The following PCDH15 variants were observed in gnomAD, a reference collection of about 807,000 sequenced individuals.
The protein encoded by PCDH15 is protocadherin-15.
PCDH15 carries 129 observed loss-of-function variants against 178.5 expected under a neutral mutation model. That is an observed-to-expected ratio of 0.72 (90% confidence interval 0.63 to 0.84). PCDH15 has a LOEUF of 0.84. Ranked by LOEUF, PCDH15 falls within the 40% of genes least tolerant of loss-of-function variation. The pLI is 0.00. For synonymous variants in PCDH15, 800 were observed against 732.0 expected (o/e 1.09, Z -1.50); for missense variants, 2,230 against 2,099.9 (o/e 1.06, Z -1.21).
chr10:55,555,177 A>G (rs1193186462), intron 2 of PCDH15, among the ~76,000 whole-genome samples: 1 of 152,116 alleles, frequency 6.6e-6, no homozygotes, highest in Non-Finnish European at 1.5e-5. Context: ...TACTATTTTA[A>G]GAAATCACTC....
chr10:54,101,834 G>T (rs936088331), intron 15 of PCDH15, among the ~76,000 whole-genome samples: 3 of 152,070 alleles, frequency 2.0e-5, no homozygotes, highest in African/African-American at 7.2e-5. Context: ...AATTAGCTGT[G>T]TGTGGTGTTG....
At chr10:55,143,987 AT>A (rs1406647226) in intron 2 of PCDH15, among the ~76,000 whole-genome samples, 3 of 143,466 alleles carry the variant, frequency 2.1e-5, no homozygotes, top group Non-Finnish European at 4.6e-5. Flanking sequence ...ACCTAGAGAA[AT>A]TTCAGAGTCC....
chr10:55,049,978 T>G (rs1338478340), intron 2 of PCDH15, among the ~76,000 whole-genome samples: 1 of 152,036 alleles, frequency 6.6e-6, no homozygotes, highest in Non-Finnish European at 1.5e-5. Flanking sequence ...GCCTTTTGAA[T>G]GTATATTTTG....
At chr10:53,868,110 C>T (rs779449890) in intron 26 of PCDH15, among the ~76,000 whole-genome samples, 1 of 151,670 alleles carries the variant, frequency 6.6e-6, no homozygotes, top group African/African-American at 2.4e-5. Flanking sequence ...TAGTGAAATA[C>T]TTGGAAAATA....
At chr10:54,102,714 A>T (rs559477061) in intron 15 of PCDH15, among the ~76,000 whole-genome samples, 5 of 152,160 alleles carry the variant, frequency 3.3e-5, no homozygotes, top group African/African-American at 4.8e-5. Context: ...CAGGGAGCCA[A>T]TGTGGGGGTT....
At chr10:55,069,927 T>G (rs541295284) in intron 2 of PCDH15, among the ~76,000 whole-genome samples, 2 of 152,200 alleles carry the variant, frequency 1.3e-5, no homozygotes, top group African/African-American at 4.8e-5. Flanking sequence ...CTCCACATTC[T>G]GTCCAGCACC....
At chr10:54,324,842 A>G (rs1288160318) in intron 7 of PCDH15, among the ~76,000 whole-genome samples, 1 of 152,102 alleles carries the variant, frequency 6.6e-6, no homozygotes, top group East Asian at 1.9e-4. Flanking sequence ...TGATTACAAA[A>G]GTGTTCTTAT....
intron 3 of PCDH15, among the ~76,000 whole-genome samples, chr10:54,512,621 A>C (rs1261645573): frequency 6.6e-6 from 1 of 152,160 alleles, no homozygotes; most frequent in East Asian, 1.9e-4. Context: ...GCAAACTCAC[A>C]TAACATATTG....
At chr10:55,257,859 G>C (rs1012487503) in intron 1 of PCDH15, among the ~76,000 whole-genome samples, 2 of 152,098 alleles carry the variant, frequency 1.3e-5, no homozygotes, top group South Asian at 4.2e-4. Flanking sequence ...TTCAAATTCA[G>C]GAAATACAGA....
chr10:54,953,909 T>C (rs1838409987), intron 2 of PCDH15, among the ~76,000 whole-genome samples: 1 of 151,322 alleles, frequency 6.6e-6, no homozygotes, highest in South Asian at 2.1e-4. Flanking sequence ...TAAAATACAT[T>C]TAAAAAATAT....
intron 8 of PCDH15, among the ~76,000 whole-genome samples, chr10:54,249,746 T>C (rs545213901): frequency 6.6e-6 from 1 of 152,182 alleles, no homozygotes; most frequent in Non-Finnish European, 1.5e-5. Context: ...ATTATCTATT[T>C]TTTTTCAAGT....
At chr10:55,307,387 C>A (rs1278366778) in intron 1 of PCDH15, among the ~76,000 whole-genome samples, 2 of 151,704 alleles carry the variant, frequency 1.3e-5, no homozygotes, top group African/African-American at 4.8e-5. Flanking sequence ...CCTGTAATCC[C>A]AGCTACTCGG....
At chr10:54,863,863 A>G (rs1003098435) in intron 3 of PCDH15, among the ~76,000 whole-genome samples, 1 of 152,210 alleles carries the variant, frequency 6.6e-6, no homozygotes, top group African/African-American at 2.4e-5. Context: ...CTAAGTTTCA[A>G]GTGATAATTC....
In PCDH15 at chr10:54,032,204, C is replaced by T. The variant is rs1401105332; in HGVS notation, c.2221-9007G>A. The stretch of plus-strand genomic sequence containing the variant: ...TGTCTGCTTTATCCAGTCATAAAAT[C>T]TTCCCCTTATTTCCAAAACTGATTA... On this transcript the variant is annotated intron_variant, in intron 18 of 37. Transcript: ENST00000644397. 2.6e-5 allele frequency among the ~76,000 whole-genome samples: 4 copies of T among 151,852 alleles called. No homozygotes were observed. In the Admixed American group the frequency reaches 2.6e-4, roughly 10 times the overall value.
chr10:55,159,618 T>A (rs1282342992), intron 2 of PCDH15, among the ~76,000 whole-genome samples: 4 of 148,056 alleles, frequency 2.7e-5, no homozygotes, highest in Non-Finnish European at 5.9e-5. Flanking sequence ...TAAATAAATA[T>A]ATATATATCT....
In PCDH15 at chr10:54,472,972, A is replaced by T. The variant is rs555740640; in HGVS notation, c.157+54840T>A. 1.8e-3 allele frequency among the ~76,000 whole-genome samples: 269 copies of T among 152,284 alleles called. 9 individuals carry two copies. In the South Asian group the frequency reaches 0.054, roughly 31 times the overall value. On this transcript the variant is annotated intron_variant, in intron 3 of 37. Transcript: ENST00000644397. ...TTCTTCACCATTTTTAGAGTAAAAA[A>T]TTGTTGATTTAAAAATGTGAGGAAA...
chr10:53,933,528 A>C (rs565577852), intron 25 of PCDH15, among the ~76,000 whole-genome samples: 13 of 152,296 alleles, frequency 8.5e-5, no homozygotes, highest in African/African-American at 2.9e-4. Flanking sequence ...GCTGTATAGT[A>C]TTCCATGGTG....
At chr10:55,358,139 G>A (rs926202930) in intron 2 of PCDH15, among the ~76,000 whole-genome samples, 2 of 152,058 alleles carry the variant, frequency 1.3e-5, no homozygotes, top group South Asian at 4.1e-4. Flanking sequence ...TATAAGTTAC[G>A]CATACAAGGA....
chr10:54,163,406 G>GGAGA lies in PCDH15; in HGVS notation c.1591-10117_1591-10114dup, dbSNP rs57981979. On this transcript the variant is annotated intron_variant, in intron 13 of 37. Coordinates refer to ENST00000644397, the MANE Select transcript of PCDH15 (RefSeq NM_001384140.1). ...GAAGCACCTTGTTCACATGGCAGCA[G>GGAGA]GAGAGAGAGAGAGAGCGAGAGGAGA... is the stretch of plus-strand genomic sequence containing the variant. 3.8e-3 allele frequency among the ~76,000 whole-genome samples: 573 copies of GGAGA among 151,016 alleles called. 5 individuals carry two copies. Among genetic ancestry groups the GGAGA allele is most frequent in the Middle Eastern group, 0.021 (6 of 288 alleles).
Sources: allele counts gnomAD v4.1 joint callset (sites outside exome capture counted in the v4.1 genomes callset), GRCh38; gene constraint gnomAD v4.1.1; transcripts MANE v1.5; gene names NCBI Gene and HGNC (gene_info 2026-07-23, HGNC 2026-07-21).